DMD: variants seen among roughly 807,000 people sequenced by gnomAD.
DMD encodes dystrophin, also known as mutant dystrophin.
Under a neutral mutation model 330.1 loss-of-function variants are expected in DMD, and 63 were observed. That is an observed-to-expected ratio of 0.19 (90% confidence interval 0.16 to 0.24). The LOEUF (loss-of-function observed/expected upper bound fraction) is 0.24, where lower values mean the gene tolerates loss of function less well. Among genes scored for constraint, DMD ranks in the 10% least tolerant of loss-of-function variants. The probability of loss-of-function intolerance (pLI) is 1.00; values close to 1 mark genes in which losing one functional copy is unlikely to be tolerated. For synonymous variants in DMD, 1,223 were observed against 959.8 expected, an observed-to-expected ratio of 1.27 and a Z score of -5.07; for missense variants, 3,344 against 2,684.1, an observed-to-expected ratio of 1.25 and a Z score of -5.43.
intron 9 of DMD, among the ~76,000 whole-genome samples, chrX:32,649,385 T>A (rs1396381133): frequency 9.3e-6 from 1 of 107,650 alleles, no homozygotes; most frequent in Non-Finnish European, 1.9e-5. Context: ...AAACCCCGTC[T>A]CTACTAAAAA....
chrX:33,331,689 G>A (rs1159345688), intron 1 of DMD, among the ~76,000 whole-genome samples: 1 of 111,376 alleles, frequency 9.0e-6, no homozygotes, highest in Non-Finnish European at 1.9e-5. Context: ...ATTAATCTCT[G>A]CGTACCACCT....
In DMD at chrX:32,730,351, A is replaced by C. The variant is rs1225221135; in HGVS notation, c.650-31058T>G. Among the ~76,000 whole-genome samples the C allele has an allele frequency of 4.5e-5, 5 of 112,201 alleles. No homozygotes were observed. In the Admixed American group the frequency reaches 4.7e-4, roughly 11 times the overall value. On this transcript the variant is annotated intron_variant, in intron 7 of 78. Transcript: ENST00000357033. Reference sequence around the variant, plus strand: ...AAAGAGTAATATCTTGTCTCTTAAAATAAATAAAATGTAATGGTGCCATAA... The same window carrying C: ...AAAGAGTAATATCTTGTCTCTTAAACTAAATAAAATGTAATGGTGCCATAA...
intron 1 of DMD, among the ~76,000 whole-genome samples, chrX:33,326,816 C>T (rs1044063227): frequency 9.0e-6 from 1 of 110,727 alleles, no homozygotes; most frequent in African/African-American, 3.3e-5. Flanking sequence ...TCAGTGTATT[C>T]GAAGTCAGAT....
intron 2 of DMD, among the ~76,000 whole-genome samples, chrX:32,855,159 T>C (rs1277005973): frequency 8.9e-6 from 1 of 111,989 alleles, no homozygotes; most frequent in Non-Finnish European, 1.9e-5. Context: ...AAACTGGGTA[T>C]AGAAGCAGCA....
At chrX:32,400,064 T>G (rs1022640087) in intron 30 of DMD, among the ~76,000 whole-genome samples, 1 of 111,736 alleles carries the variant, frequency 8.9e-6, no homozygotes, top group Non-Finnish European at 1.9e-5. Context: ...TTCCGGTTTT[T>G]GCCCATTCAG....
chrX:32,232,675 G>A (rs1180920379), intron 43 of DMD, among the ~76,000 whole-genome samples: 1 of 111,966 alleles, frequency 8.9e-6, no homozygotes, highest in Non-Finnish European at 1.9e-5. Context: ...CGAGGGAAAT[G>A]TTCTTGGCAT....
At chrX:32,416,576 G>A (rs753522133) in intron 29 of DMD, among the ~76,000 whole-genome samples, 1 of 111,926 alleles carries the variant, frequency 8.9e-6, no homozygotes, top group African/African-American at 3.2e-5. Context: ...TTCAAATAAA[G>A]CAAAGCAACG....
intron 2 of DMD, among the ~76,000 whole-genome samples, chrX:32,954,855 C>A (rs1439696336): frequency 9.0e-6 from 1 of 111,523 alleles, no homozygotes; most frequent in Non-Finnish European, 1.9e-5. Context: ...ATCCATGTTC[C>A]TGCAAAGTAC....
At chrX:31,381,363 C>T (rs2060169833) in intron 60 of DMD, among the ~76,000 whole-genome samples, 1 of 111,834 alleles carries the variant, frequency 8.9e-6, no homozygotes, top group Non-Finnish European at 1.9e-5. Flanking sequence ...CGTGCGGCAG[C>T]CGCCACCACC....
At chrX:32,603,051 C>T (rs1326799605) in intron 12 of DMD, among the ~76,000 whole-genome samples, 1 of 111,182 alleles carries the variant, frequency 9.0e-6, no homozygotes, top group South Asian at 3.7e-4. Context: ...ATTCTACCAC[C>T]ACAGAATGTA....
intron 50 of DMD, among the ~76,000 whole-genome samples, chrX:31,783,578 C>T (rs1224970319): frequency 9.0e-6 from 1 of 111,076 alleles, no homozygotes; most frequent in Non-Finnish European, 1.9e-5. Context: ...GGGTCTCAAT[C>T]AAAATTTGTT....
chrX:32,552,347 T>C lies in DMD; in HGVS notation c.1993-7013A>G, dbSNP rs2049665683. On this transcript the variant is annotated intron_variant, in intron 16 of 78. Coordinates refer to ENST00000357033, the MANE Select transcript of DMD (RefSeq NM_004006.3). ...TACAACCATCTGTTCTTCAATGAAA[T>C]CAACAAAAACAAGCAATGGGAAAAG... 2.7e-5 allele frequency among the ~76,000 whole-genome samples: 3 copies of C among 111,208 alleles called. No individual in the cohort carries two copies. In the South Asian group the frequency reaches 1.1e-3, roughly 41 times the overall value.
intron 47 of DMD, among the ~76,000 whole-genome samples, chrX:31,920,276 T>C (rs1379288670): frequency 8.9e-6 from 1 of 112,083 alleles, no homozygotes; most frequent in Non-Finnish European, 1.9e-5. Flanking sequence ...AAAATCACCC[T>C]GTTATTTTAC....
intron 1 of DMD, among the ~76,000 whole-genome samples, chrX:33,327,725 T>C (rs114350094): frequency 0.011 from 1,276 of 111,426 alleles, 17 homozygotes; most frequent in African/African-American, 0.039. Context: ...ACTAACTCAA[T>C]TTCCTTCCAA....
At chrX:32,752,836 G>A (rs1471288502) in intron 7 of DMD, among the ~76,000 whole-genome samples, 2 of 109,880 alleles carry the variant, frequency 1.8e-5, no homozygotes, top group Admixed American at 2.0e-4. Context: ...CTTTGTAAGT[G>A]GAGTTTCCCT....
chrX:33,030,907 A>ACAT (rs759969364), intron 1 of DMD, among the ~76,000 whole-genome samples: 3 of 111,968 alleles, frequency 2.7e-5, no homozygotes, highest in Non-Finnish European at 5.6e-5. Context: ...CCATTTCCAA[A>ACAT]CATACTGTTA....
At chrX:31,422,002 C>CAT (rs1310270113) in intron 60 of DMD, among the ~76,000 whole-genome samples, 12 of 64,585 alleles carry the variant, frequency 1.9e-4, no homozygotes, top group South Asian at 6.6e-4. Context: ...TATACACACA[C>CAT]ATATATATAT....
intron 63 of DMD, among the ~76,000 whole-genome samples, chrX:31,245,794 G>C: frequency 9.0e-6 from 1 of 111,385 alleles, no homozygotes; most frequent in East Asian, 2.8e-4. Flanking sequence ...TACGTGTTCT[G>C]ACTGCTCCAC....
chrX:32,629,205 T>G (rs1437196448), intron 11 of DMD, among the ~76,000 whole-genome samples: 1 of 111,839 alleles, frequency 8.9e-6, no homozygotes, highest in East Asian at 2.8e-4. Context: ...CAATGTTGGG[T>G]ACATATTTAT....
Sources: gnomAD v4.1 joint callset for allele counts (sites outside exome capture counted in the v4.1 genomes callset) on GRCh38, gnomAD v4.1.1 for gene constraint, MANE v1.5 for transcripts, NCBI Gene and HGNC (gene_info 2026-07-23, HGNC 2026-07-21) for gene names.